PLCXD2: variants seen among roughly 807,000 people sequenced by gnomAD.
The protein encoded by PLCXD2 is phosphatidylinositol specific phospholipase C X domain containing 2, also known as PI-PLC X domain-containing protein 2.
In PLCXD2, 21 loss-of-function variants were observed where a neutral mutation model predicts 28.6. The ratio of observed to expected loss-of-function variants is 0.73; its 90% confidence interval spans 0.52 to 1.06. The LOEUF (loss-of-function observed/expected upper bound fraction) is 1.06, where lower values mean the gene tolerates loss of function less well. Among genes scored for constraint, PLCXD2 ranks in the 50% least tolerant of loss-of-function variants. The probability of loss-of-function intolerance (pLI) is 0.00; values close to 1 mark genes in which losing one functional copy is unlikely to be tolerated. For synonymous variants in PLCXD2, 140 were observed against 150.1 expected (o/e 0.93, Z 0.49); for missense variants, 369 against 376.7 (o/e 0.98, Z 0.17).
chr3:111,690,002 A>T (rs1428005119), intron 1 of PLCXD2, among the ~76,000 whole-genome samples: 1 of 152,208 alleles, frequency 6.6e-6, no homozygotes, highest in Non-Finnish European at 1.5e-5. Context: ...GATTTATATA[A>T]AGCCAATTAA....
chr3:111,679,775 T>C (rs1461746395), intron 1 of PLCXD2, among the ~76,000 whole-genome samples: 1 of 152,150 alleles, frequency 6.6e-6, no homozygotes, highest in African/African-American at 2.4e-5. Flanking sequence ...CTGAAAATGG[T>C]CGCAAGAGTC....
At chr3:111,700,039 G>A (rs889945940) in intron 1 of PLCXD2, among the ~76,000 whole-genome samples, 9 of 152,190 alleles carry the variant, frequency 5.9e-5, no homozygotes, top group African/African-American at 1.9e-4. Flanking sequence ...GTGGCTGTAA[G>A]TATCAAGCCT....
At chr3:111,706,940 G>A (rs960965187) in intron 1 of PLCXD2, among the ~76,000 whole-genome samples, 25 of 152,068 alleles carry the variant, frequency 1.6e-4, no homozygotes, top group African/African-American at 6.0e-4. Context: ...GATTTATGAG[G>A]CAAATATTAT....
At chr3:111,686,235 G>T (rs1940793008) in intron 1 of PLCXD2, among the ~76,000 whole-genome samples, 1 of 152,170 alleles carries the variant, frequency 6.6e-6, no homozygotes, top group African/African-American at 2.4e-5. Flanking sequence ...AGTTGCAGGG[G>T]TAGACCAAGA....
chr3:111,693,316 C>T (rs1276861368), intron 1 of PLCXD2, among the ~76,000 whole-genome samples: 34 of 152,202 alleles, frequency 2.2e-4, no homozygotes, highest in Admixed American at 2.2e-3. Context: ...GAAAGTTCCT[C>T]ATCAGACTCA....
Position 111,715,047 on chromosome 3 carries a change from A to G in PLCXD2, c.866+919A>G, listed in dbSNP as rs139149253. On this transcript the variant is annotated intron_variant, in intron 3 of 4. Coordinates refer to ENST00000477665, the MANE Select transcript of PLCXD2 (RefSeq NM_001185106.1). ...ATTTATTTGGTCCTGAGTTTAGGTA[A>G]CATGAGTTCAGATAACAGGAGTTCA... Among the ~76,000 whole-genome samples, 17 of 152,326 alleles carry G rather than the reference A, an allele frequency of 1.1e-4. No individual in the cohort carries two copies. In the East Asian group the frequency reaches 3.3e-3, roughly 29 times the overall value.
In PLCXD2 at chr3:111,720,393, C is replaced by G. The variant is rs144668744; in HGVS notation, c.866+6265C>G. On this transcript the variant is annotated intron_variant, in intron 3 of 4. Transcript: ENST00000477665. ...CAAGTGATCCACCCACCTCAGCCCC[C>G]CAAAGTGCCGGGATTACAGGCATGA... 1.8e-3 allele frequency among the ~76,000 whole-genome samples: 275 copies of G among 152,124 alleles called. 2 individuals are homozygous for G. Among genetic ancestry groups the G allele is most frequent in the Middle Eastern group, 6.8e-3 (2 of 294 alleles).
intron 1 of PLCXD2, among the ~76,000 whole-genome samples, chr3:111,689,187 G>A (rs555167937): frequency 6.6e-6 from 1 of 152,304 alleles, no homozygotes; most frequent in East Asian, 1.9e-4. Context: ...GTGAGAGACA[G>A]GGAGGATTTC....
At position 111,675,147 on chromosome 3, in the gene PLCXD2, G is replaced by T. The variant is rs1032608207; in HGVS notation, c.-99G>T. The T allele has an allele frequency of 7.1e-7, 1 of 1,416,236 alleles. No homozygotes were observed. The highest frequency in any genetic ancestry group is 9.7e-7 in the Non-Finnish European group (1 of 1,034,852). The allele number at this position is 1,416,236 out of a possible 1,614,324, so 87.7% of individuals were successfully genotyped here. On this transcript the variant is annotated 5_prime_UTR_variant, in exon 1 of 5. Coordinates refer to ENST00000477665, the MANE Select transcript of PLCXD2 (RefSeq NM_001185106.1). ...AGAAAGGCATTTTGGAAAGACTGGC[G>T]TGGCAAGCGTCGCCCTGAAACGTCC...
chr3:111,675,187 G>C lies in PLCXD2; in HGVS notation c.-59G>C, dbSNP rs1185235499. 1 of 1,568,600 alleles carries C rather than the reference G, an allele frequency of 6.4e-7. No individual in the cohort carries two copies. The highest frequency in any genetic ancestry group is 1.4e-5 in the African/African-American group (1 of 73,680). ...CTGAAACGTCCACAGAGCCCAAGAA[G>C]TGATGATCACTGAGTGAGTGGCACT... On this transcript the variant is annotated 5_prime_UTR_variant, in exon 1 of 5. Transcript: ENST00000477665.
intron 3 of PLCXD2, chr3:111,724,227 A>T (rs1390922452): frequency 6.6e-6 from 1 of 152,220 alleles, no homozygotes; most frequent in Non-Finnish European, 1.5e-5. Context: ...CAAGAGAGTC[A>T]TGCCAAAAAA....
intron 3 of PLCXD2, among the ~76,000 whole-genome samples, chr3:111,714,846 G>A (rs1941248000): frequency 6.6e-6 from 1 of 152,172 alleles, no homozygotes; most frequent in Admixed American, 6.5e-5. Context: ...ATATGTATAT[G>A]TATAAAAGGA....
At chr3:111,708,608 G>A (rs1877575) in intron 2 of PLCXD2, among the ~76,000 whole-genome samples, 23,449 of 152,170 alleles carry the variant, frequency 0.15, 2,249 homozygotes, top group East Asian at 0.32. Context: ...CAAACTGTTT[G>A]ACATCTAATT....
At chr3:111,689,473 C>T (rs1427273443) in intron 1 of PLCXD2, among the ~76,000 whole-genome samples, 1 of 152,202 alleles carries the variant, frequency 6.6e-6, no homozygotes, top group Non-Finnish European at 1.5e-5. Flanking sequence ...AGTGTTCTAT[C>T]CCTGTTATAA....
At chr3:111,684,636 G>A (rs979096776) in intron 1 of PLCXD2, among the ~76,000 whole-genome samples, 2 of 151,334 alleles carry the variant, frequency 1.3e-5, no homozygotes, top group African/African-American at 2.4e-5. Flanking sequence ...CCTGGGCGAC[G>A]GAACAAAACT....
At chr3:111,725,623 T>TAA (rs1214852775) in intron 3 of PLCXD2, 15 of 398,472 alleles carry the variant, frequency 3.8e-5, no homozygotes, top group Non-Finnish European at 5.3e-5. Context: ...ATCACAGTCT[T>TAA]AGACACTATA....
intron 1 of PLCXD2, 110 bp downstream of exon 1, chr3:111,675,518 C>T: frequency 7.6e-7 from 1 of 1,322,128 alleles, no homozygotes; most frequent in Non-Finnish European, 1.1e-6. Flanking sequence ...GTCAGTGACC[C>T]CTTTTTATTT....
At chr3:111,714,813 T>C (rs1412645211) in intron 3 of PLCXD2, among the ~76,000 whole-genome samples, 1 of 152,180 alleles carries the variant, frequency 6.6e-6, no homozygotes, top group Non-Finnish European at 1.5e-5. Context: ...TATGTGTCTA[T>C]GTACCTGTAC....
At chr3:111,694,566 T>C (rs1428190159) in intron 1 of PLCXD2, among the ~76,000 whole-genome samples, 3 of 152,038 alleles carry the variant, frequency 2.0e-5, no homozygotes, top group Non-Finnish European at 4.4e-5. Context: ...CCAAGCAATA[T>C]CTTAACATCC....
Sources: gnomAD v4.1 joint callset for allele counts (sites outside exome capture counted in the v4.1 genomes callset) on GRCh38, gnomAD v4.1.1 for gene constraint, MANE v1.5 for transcripts, NCBI Gene and HGNC (gene_info 2026-07-23, HGNC 2026-07-21) for gene names.